The following ARID1B variants were observed in gnomAD, a reference collection of about 807,000 sequenced individuals.
ARID1B encodes the protein AT-rich interactive domain-containing protein 1B.
ARID1B carries 30 observed loss-of-function variants against 212.3 expected under a neutral mutation model. The observed-to-expected ratio is 0.14, with a 90% CI of 0.11 to 0.19. The LOEUF is 0.19. ARID1B is among the 10% of genes least tolerant of loss of function. The probability of loss-of-function intolerance (pLI) is 1.00; values close to 1 mark genes in which losing one functional copy is unlikely to be tolerated. For synonymous variants in ARID1B, 1,402 were observed against 1,301.7 expected, an observed-to-expected ratio of 1.08 and a Z score of -1.66; for missense variants, 2,891 against 3,204.0, an observed-to-expected ratio of 0.90 and a Z score of 2.36.
At chr6:156,905,713 T>A (rs1789319469) in intron 3 of ARID1B, among the ~76,000 whole-genome samples, 1 of 152,236 alleles carries the variant, frequency 6.6e-6, no homozygotes, top group Non-Finnish European at 1.5e-5. Context: ...CTCTATTATC[T>A]TTTAGTATCT....
intron 4 of ARID1B, among the ~76,000 whole-genome samples, chr6:156,991,671 C>T (rs1778286418): frequency 6.6e-6 from 1 of 152,156 alleles, no homozygotes; most frequent in South Asian, 2.1e-4. Flanking sequence ...TTCCTGAATA[C>T]ATTATTAAGG....
intron 1 of ARID1B, among the ~76,000 whole-genome samples, chr6:156,825,392 G>A (rs1267676692): frequency 6.6e-6 from 1 of 152,176 alleles, no homozygotes; most frequent in East Asian, 1.9e-4. Flanking sequence ...ATTTTGAGAG[G>A]TTCAGATAAT....
chr6:157,087,872 CGAGA>C (rs1366515710), intron 5 of ARID1B, among the ~76,000 whole-genome samples: 1 of 151,400 alleles, frequency 6.6e-6, no homozygotes, highest in Non-Finnish European at 1.5e-5. Flanking sequence ...GACCGGAAAA[CGAGA>C]GAGAATGACT....
rs372284255 is a variant in ARID1B, at chr6:156,785,834, TTTTG to T, written c.1791+6375_1791+6378del. Among the ~76,000 whole-genome samples, 57 of 152,354 alleles carry T rather than the reference TTTTG, an allele frequency of 3.7e-4. No individual in the cohort carries two copies. In the East Asian group the frequency reaches 7.1e-3, roughly 19 times the overall value. ...CATTCCATCAGGATGCTAATGGTTT[TTTTG>T]TTTGTTTGTTTTTGTTTTTTATTAG... is the stretch of plus-strand genomic sequence containing the variant. On this transcript the variant is annotated intron_variant, in intron 1 of 19. Transcript: ENST00000636930.
At chr6:156,993,562 A>G (rs1334922151) in intron 4 of ARID1B, among the ~76,000 whole-genome samples, 4 of 152,238 alleles carry the variant, frequency 2.6e-5, no homozygotes, top group Non-Finnish European at 5.9e-5. Context: ...CTTTAAGGCT[A>G]TGATATTATA....
chr6:156,996,454 A>G (rs1330636125), intron 4 of ARID1B, among the ~76,000 whole-genome samples: 1 of 152,216 alleles, frequency 6.6e-6, no homozygotes, highest in Non-Finnish European at 1.5e-5. Context: ...ATGGAAAGAA[A>G]TTGTACTGAA....
rs551387607 is a variant in ARID1B, at chr6:157,125,897, G to A, written c.2582-7131G>A. On this transcript the variant is annotated intron_variant, in intron 6 of 19. Transcript: ENST00000636930. ...CTCATATAAAGTTATAAGTTGCTTC[G>A]TAATTTTAGTTCATTATTTTTCCCT... Among the ~76,000 whole-genome samples the A allele has an allele frequency of 6.3e-3, 952 of 152,212 alleles. 11 individuals carry two copies. Among genetic ancestry groups the A allele is most frequent in the African/African-American group, 0.022 (909 of 41,524 alleles).
intron 1 of ARID1B, among the ~76,000 whole-genome samples, chr6:156,821,558 T>G (rs1782355956): frequency 1.3e-5 from 2 of 152,232 alleles, no homozygotes. Context: ...TGTATGTACA[T>G]CACTTACGGA....
At chr6:156,964,218 T>C (rs568787838) in intron 4 of ARID1B, among the ~76,000 whole-genome samples, 145 of 152,356 alleles carry the variant, frequency 9.5e-4, no homozygotes, top group African/African-American at 3.4e-3. Context: ...GTGACATCAG[T>C]AGTATGTGAC....
rs142615238 is a variant in ARID1B, at chr6:156,826,006, G to T, written c.1792-3221G>T. Among the ~76,000 whole-genome samples, 1,458 of 152,268 alleles carry T rather than the reference G, an allele frequency of 9.6e-3. 16 individuals are homozygous for T. The highest frequency in any genetic ancestry group is 0.016 in the Non-Finnish European group (1,062 of 68,028). ...CATACATGTTTGTACACTTAATTATGAAGGCGGCTCAGGTTATGTAAAATC... is the reference window on the plus strand; with the variant it reads ...CATACATGTTTGTACACTTAATTATTAAGGCGGCTCAGGTTATGTAAAATC... On this transcript the variant is annotated intron_variant, in intron 1 of 19. Coordinates refer to ENST00000636930, the MANE Select transcript of ARID1B (RefSeq NM_001374828.1).
chr6:156,929,431 C>T (rs921891467), intron 3 of ARID1B, among the ~76,000 whole-genome samples: 12 of 152,190 alleles, frequency 7.9e-5, no homozygotes, highest in African/African-American at 2.7e-4. Context: ...GGCATCCTCT[C>T]TGTGGAAGTG....
At chr6:157,046,885 A>G (rs1782276281) in intron 4 of ARID1B, among the ~76,000 whole-genome samples, 3 of 152,140 alleles carry the variant, frequency 2.0e-5, no homozygotes, top group African/African-American at 7.2e-5. Context: ...TTTTTTCACA[A>G]TGAAAAAGGC....
At chr6:157,036,814 T>A in intron 4 of ARID1B, 1 of 495,444 alleles carries the variant, frequency 2.0e-6, no homozygotes, top group South Asian at 1.5e-5. Context: ...GCCTAAATTA[T>A]GTTTTTCCTT....
chr6:156,946,158 A>C (rs1053499876), intron 4 of ARID1B, among the ~76,000 whole-genome samples: 1 of 150,794 alleles, frequency 6.6e-6, no homozygotes, highest in African/African-American at 2.4e-5. Flanking sequence ...GGAGTTCAAG[A>C]CCAGCCTGGC....
intron 6 of ARID1B, among the ~76,000 whole-genome samples, chr6:157,131,695 G>A (rs1323577443): frequency 1.3e-5 from 2 of 152,022 alleles, no homozygotes; most frequent in Non-Finnish European, 2.9e-5. Flanking sequence ...GTTTTGTTTT[G>A]TTTTGTTTTG....
intron 19 of ARID1B, chr6:157,205,866 C>T (rs1255495256): frequency 1.5e-5 from 5 of 326,460 alleles, no homozygotes; most frequent in Non-Finnish European, 2.3e-5. Flanking sequence ...GCAAGGCACT[C>T]CCTCAGTGAT....
intron 4 of ARID1B, among the ~76,000 whole-genome samples, chr6:156,964,857 A>C (rs1339158287): frequency 6.6e-6 from 1 of 152,226 alleles, no homozygotes; most frequent in Non-Finnish European, 1.5e-5. Context: ...AGCTTGTAGG[A>C]AATGAAAAAT....
intron 4 of ARID1B, among the ~76,000 whole-genome samples, chr6:157,004,432 A>T (rs1169243989): frequency 1.3e-5 from 2 of 152,164 alleles, no homozygotes; most frequent in Non-Finnish European, 2.9e-5. Context: ...CATGTTAGAG[A>T]TCTAAGTGAT....
chr6:156,916,996 C>T (rs932728729), intron 3 of ARID1B, among the ~76,000 whole-genome samples: 2 of 152,312 alleles, frequency 1.3e-5, no homozygotes, highest in African/African-American at 4.8e-5. Flanking sequence ...TTCTGCTGGT[C>T]TGGAACAGTT....
Sources: allele counts gnomAD v4.1 joint callset (sites outside exome capture counted in the v4.1 genomes callset), GRCh38; gene constraint gnomAD v4.1.1; transcripts MANE v1.5; gene names NCBI Gene and HGNC (gene_info 2026-07-23, HGNC 2026-07-21).